EFCAB5: variants seen among roughly 807,000 people sequenced by gnomAD.
EFCAB5 encodes EF-hand calcium-binding domain-containing protein 5.
EFCAB5 carries 131 observed loss-of-function variants against 167.9 expected under a neutral mutation model. That is an observed-to-expected ratio of 0.78 (90% CI 0.68 to 0.90). EFCAB5 has a LOEUF of 0.90. EFCAB5 is among the 40% of genes least tolerant of loss of function. EFCAB5 has a pLI of 0.00. For synonymous variants in EFCAB5, 574 were observed against 602.8 expected (o/e 0.95, Z 0.70); for missense variants, 1,663 against 1,745.2 (o/e 0.95, Z 0.84).
intron 7 of EFCAB5, among the ~76,000 whole-genome samples, chr17:30,018,688 T>C (rs891781777): frequency 2.6e-5 from 4 of 152,200 alleles, no homozygotes; most frequent in Non-Finnish European, 4.4e-5. Context: ...TAAATTTTGA[T>C]GCTCAATTTG....
intron 5 of EFCAB5, among the ~76,000 whole-genome samples, chr17:29,994,836 A>T (rs1440959856): frequency 2.0e-5 from 3 of 152,216 alleles, no homozygotes; most frequent in Admixed American, 2.0e-4. Context: ...AGTTTAAGAC[A>T]CTTGTAAGTG....
chr17:30,010,168 G>A (rs997353442), intron 7 of EFCAB5, among the ~76,000 whole-genome samples: 4 of 152,196 alleles, frequency 2.6e-5, no homozygotes, highest in Admixed American at 6.5e-5. Context: ...AGTATTCCAT[G>A]GTATATATGT....
chr17:29,975,522 G>C (rs914373015), intron 4 of EFCAB5, among the ~76,000 whole-genome samples: 11 of 152,248 alleles, frequency 7.2e-5, no homozygotes, highest in African/African-American at 2.6e-4. Context: ...CTCCCAAAGT[G>C]CTGGAATTAC....
chr17:30,069,653 A>T, intron 14 of EFCAB5: 14 of 1,573,986 alleles, frequency 8.9e-6, no homozygotes, highest in Non-Finnish European at 1.2e-5. Context: ...ACGGGGGCCC[A>T]GCACGAGAGT....
chr17:30,057,670 T>C lies in EFCAB5; in HGVS notation c.2366-6T>C. 6.2e-7 allele frequency: 1 copy of C among 1,607,798 alleles called. No homozygotes were observed. The highest frequency in any genetic ancestry group is 8.5e-7 in the Non-Finnish European group (1 of 1,175,162). ...TTACTGCTTGGTAATGTTTCTTGCT[T>C]GACAGATTTACACTCAATTATCAGA... On this transcript the variant is annotated splice_polypyrimidine_tract_variant and splice_region_variant and intron_variant, in intron 12 of 22. Transcript: ENST00000394835.
At position 30,086,916 on chromosome 17, in the gene EFCAB5, T is replaced by C. The variant is rs561394217; in HGVS notation, c.3580-147T>C. Reference sequence around the variant, plus strand: ...TCGAAAAAAAAAAATTATCCTGTTCTCTAATGGTACTAAGTAAAATGTCAC... The same window carrying C: ...TCGAAAAAAAAAAATTATCCTGTTCCCTAATGGTACTAAGTAAAATGTCAC... On this transcript the variant is annotated intron_variant, in intron 18 of 22. Transcript: ENST00000394835. The C allele has an allele frequency of 8.5e-6, 5 of 588,954 alleles. No homozygotes were observed. The South Asian group carries it at 1.3e-4, about 15-fold the overall frequency. 36.5% of individuals were successfully genotyped at this position (588,954 alleles called of 1,614,324 possible).
intron 4 of EFCAB5, among the ~76,000 whole-genome samples, chr17:29,991,691 A>G (rs1364044045): frequency 6.6e-6 from 1 of 152,222 alleles, no homozygotes; most frequent in East Asian, 1.9e-4. Flanking sequence ...ACAGTGCTGC[A>G]GAGATTTTGT....
At chr17:30,030,497 T>C (rs1425746830) in intron 7 of EFCAB5, among the ~76,000 whole-genome samples, 1 of 151,942 alleles carries the variant, frequency 6.6e-6, no homozygotes, top group Non-Finnish European at 1.5e-5. Context: ...GCACCCACCA[T>C]TATGCCTGGC....
At chr17:30,071,039 G>C (rs907216483) in intron 14 of EFCAB5, among the ~76,000 whole-genome samples, 22 of 140,886 alleles carry the variant, frequency 1.6e-4, no homozygotes, top group Admixed American at 3.6e-4. Flanking sequence ...AACTACTGAA[G>C]AAAACATGAG....
intron 8 of EFCAB5, among the ~76,000 whole-genome samples, chr17:30,048,401 T>C (rs2069987135): frequency 6.6e-6 from 1 of 151,600 alleles, no homozygotes; most frequent in African/African-American, 2.4e-5. Flanking sequence ...GAGATAGATA[T>C]GAAAATATAT....
intron 7 of EFCAB5, among the ~76,000 whole-genome samples, chr17:30,000,449 G>A (rs2068637243): frequency 6.6e-6 from 1 of 152,060 alleles, no homozygotes; most frequent in African/African-American, 2.4e-5. Context: ...CAGTCAGTTT[G>A]GTTTCAAAGT....
intron 22 of EFCAB5, among the ~76,000 whole-genome samples, chr17:30,106,785 T>A (rs1029367965): frequency 6.6e-6 from 1 of 152,140 alleles, no homozygotes; most frequent in African/African-American, 2.4e-5. Flanking sequence ...GCAACTACTC[T>A]GTGACAGATC....
chr17:30,099,408 C>T (rs1231770747), intron 22 of EFCAB5, among the ~76,000 whole-genome samples: 1 of 149,360 alleles, frequency 6.7e-6, no homozygotes, highest in Non-Finnish European at 1.5e-5. Flanking sequence ...GCCTGGGCAA[C>T]AAAGTAAGAC....
At chr17:29,968,199 C>A (rs1240788480) in intron 3 of EFCAB5, among the ~76,000 whole-genome samples, 1 of 152,140 alleles carries the variant, frequency 6.6e-6, no homozygotes, top group East Asian at 1.9e-4. Flanking sequence ...TGCCTGCCAA[C>A]TGAACCTCAG....
At chr17:30,028,379 A>G (rs2069387822) in intron 7 of EFCAB5, among the ~76,000 whole-genome samples, 1 of 152,134 alleles carries the variant, frequency 6.6e-6, no homozygotes. Context: ...GTTCATCTGT[A>G]TCTTGTATTT....
intron 8 of EFCAB5, among the ~76,000 whole-genome samples, chr17:30,048,985 G>T (rs574335008): frequency 1.3e-5 from 2 of 151,954 alleles, no homozygotes; most frequent in African/African-American, 4.8e-5. Flanking sequence ...ACTTTTCACT[G>T]CATTCTCTTA....
At chr17:29,985,589 G>C (rs998726820) in intron 4 of EFCAB5, among the ~76,000 whole-genome samples, 3 of 152,218 alleles carry the variant, frequency 2.0e-5, no homozygotes, top group African/African-American at 7.2e-5. Context: ...TGGATTGTAG[G>C]TTAACTAAAA....
chr17:29,968,947 A>T lies in EFCAB5; in HGVS notation c.347A>T (p.Lys116Ile). ...TCAAAGCCAGAGCACACATGGAAGA[A>T]AAACCTTTTTGAAAGAATGGAGGCA... Reference protein sequence around the residue: ...LKSKPEHTWKKNLFERMEARA... With the variant: ...LKSKPEHTWKINLFERMEARA... Residue 116 changes from lysine (K) to isoleucine (I), a missense_variant, in exon 4 of 23, where the codon AAA becomes ATA. Lys to Ile is a moderately radical substitution (Grantham distance 102, BLOSUM62 -3). Coordinates refer to ENST00000394835, the MANE Select transcript of EFCAB5 (RefSeq NM_198529.4). The T allele has an allele frequency of 6.3e-7, 1 of 1,588,226 alleles. No homozygotes were observed. The highest frequency in any genetic ancestry group is 2.3e-5 in the East Asian group (1 of 44,220).
At chr17:30,072,628 A>G (rs190570143) in intron 14 of EFCAB5, among the ~76,000 whole-genome samples, 219 of 152,278 alleles carry the variant, frequency 1.4e-3, no homozygotes, top group African/African-American at 5.2e-3. Flanking sequence ...TATGTCCTTC[A>G]TTTAGATTTA....
Sources: gnomAD v4.1 joint callset for allele counts (sites outside exome capture counted in the v4.1 genomes callset) on GRCh38, gnomAD v4.1.1 for gene constraint, MANE v1.5 for transcripts, NCBI Gene and HGNC (gene_info 2026-07-23, HGNC 2026-07-21) for gene names.